TTLL8: variants seen among roughly 807,000 people sequenced by gnomAD.
TTLL8 encodes the protein tubulin tyrosine ligase like 8, also known as protein monoglycylase TTLL8.
Under a neutral mutation model 77.8 loss-of-function variants are expected in TTLL8, and 65 were observed. The ratio of observed to expected loss-of-function variants is 0.84; its 90% confidence interval spans 0.68 to 1.03. The LOEUF is 1.03. Ranked by LOEUF, TTLL8 falls within the 50% of genes least tolerant of loss-of-function variation. TTLL8 has a pLI of 0.00. For synonymous variants in TTLL8, 402 were observed against 422.8 expected (o/e 0.95, Z 0.60); for missense variants, 910 against 1,004.5 (o/e 0.91, Z 1.27).
intron 8 of TTLL8, among the ~76,000 whole-genome samples, chr22:50,036,351 A>C (rs1173285654): frequency 6.6e-6 from 1 of 152,134 alleles, no homozygotes; most frequent in Non-Finnish European, 1.5e-5. Context: ...CTTTTAATTC[A>C]GGTCTAAGAA....
In TTLL8 at chr22:50,034,509, C is replaced by A; in HGVS notation, c.922-47G>T. The A allele has an allele frequency of 7.4e-7, 1 of 1,344,490 alleles. No individual in the cohort carries two copies. The highest frequency in any genetic ancestry group is 1.2e-5 in the South Asian group (1 of 85,790). 83.3% of individuals were successfully genotyped at this position (1,344,490 alleles called of 1,614,324 possible). A position where few individuals can be genotyped will look rare whatever the true frequency, so the allele number is the denominator to read the frequency against. On this transcript the variant is annotated intron_variant, in intron 8 of 13. Transcript: ENST00000266182. This position sits in a 1 kb window ranked among gnomAD's most constrained non-coding sequence, Gnocchi z 4.1. ...ATTGGAGATGAAAGCATCGCCACTA[C>A]AAAGCAAGATCCAGAAAGTGCATGA...
intron 8 of TTLL8, among the ~76,000 whole-genome samples, chr22:50,038,489 T>C: frequency 6.6e-6 from 1 of 152,174 alleles, no homozygotes; most frequent in African/African-American, 2.4e-5. Context: ...CTACGAAATA[T>C]GTTAGCTGTT....
At chr22:50,047,958 G>T (rs543305023) in intron 3 of TTLL8, among the ~76,000 whole-genome samples, 1 of 152,086 alleles carries the variant, frequency 6.6e-6, no homozygotes, top group Non-Finnish European at 1.5e-5. Context: ...TTAGCCGGGC[G>T]TGGTGGCGGG....
Position 50,041,209 on chromosome 22 carries a change from G to T in TTLL8, c.899C>A (p.Pro300His). 1 of 462,614 alleles carries T rather than the reference G, an allele frequency of 2.2e-6. No individual in the cohort carries two copies. Among genetic ancestry groups the T allele is most frequent in the South Asian group, 1.7e-5 (1 of 58,918 alleles). 28.7% of individuals were successfully genotyped at this position (462,614 alleles called of 1,614,324 possible). A position where few individuals can be genotyped will look rare whatever the true frequency, so the allele number is the denominator to read the frequency against. The change falls in exon 8 of 14, where the codon CCC (proline) becomes CAC (histidine). Residue 300 changes from proline to histidine, a missense_variant. Transcript: ENST00000266182. This position sits in a 1 kb window ranked among gnomAD's most constrained non-coding sequence, Gnocchi z 4.3. ...CACCTGCCTGTCTCGGGCTGTGGGG[G>T]GCTCAAATGACATCATAACCTTCTG...
chr22:50,052,304 T>C (rs998330569), intron 1 of TTLL8, among the ~76,000 whole-genome samples: 10 of 152,238 alleles, frequency 6.6e-5, no homozygotes, highest in African/African-American at 2.4e-4. Flanking sequence ...CCTGCTTAGC[T>C]GTGGTCAAAC....
intron 12 of TTLL8, among the ~76,000 whole-genome samples, chr22:50,026,295 A>G (rs930802530): frequency 1.2e-4 from 18 of 149,032 alleles, no homozygotes; most frequent in African/African-American, 4.5e-4. Flanking sequence ...CACCCTGCAC[A>G]GCCGCCACCT....
chr22:50,032,590 G>A (rs901093757), intron 10 of TTLL8, among the ~76,000 whole-genome samples: 1 of 152,170 alleles, frequency 6.6e-6, no homozygotes, highest in East Asian at 1.9e-4. Context: ...TCTGTGTCGC[G>A]TGACTCTCAG....
At chr22:50,032,690 C>A (rs1026334001) in intron 10 of TTLL8, among the ~76,000 whole-genome samples, 1 of 152,222 alleles carries the variant, frequency 6.6e-6, no homozygotes, top group Non-Finnish European at 1.5e-5. Flanking sequence ...AAGGGCCACA[C>A]AATAGTCAGA....
At chr22:50,047,007 C>A in intron 4 of TTLL8, 161 bp downstream of exon 6, 1 of 846,536 alleles carries the variant, frequency 1.2e-6, no homozygotes. Flanking sequence ...GTGGGGTGGG[C>A]ACCGAGTGAT....
rs2061331261 is a variant in TTLL8 at position 50,035,688 on chromosome 22, C to T, written c.922-1226G>A. Among the ~76,000 whole-genome samples the T allele has an allele frequency of 2.6e-5, 4 of 152,196 alleles. No individual in the cohort carries two copies. In the South Asian group the frequency reaches 8.3e-4, roughly 32 times the overall value. ...TGTCTGTGCAGCACAGGTCAGTCCC[C>T]AACTATTGTGGTCTAAATAGGGTGG... On this transcript the variant is annotated intron_variant, in intron 8 of 13. Transcript: ENST00000266182.
Position 50,034,601 on chromosome 22 carries a change from G to T in TTLL8, c.922-139C>A. The T allele has an allele frequency of 1.1e-6, 1 of 902,126 alleles. No individual in the cohort carries two copies. 55.9% of individuals were successfully genotyped at this position (902,126 alleles called of 1,614,324 possible). Reference sequence around the variant, plus strand: ...CTCGGCTCTAGGATGGTCTGGGGCTGGCCTGGCGGGAAAGGGCTGCGGGTC... The same window carrying T: ...CTCGGCTCTAGGATGGTCTGGGGCTTGCCTGGCGGGAAAGGGCTGCGGGTC... On this transcript the variant is annotated intron_variant, in intron 8 of 13. Transcript: ENST00000266182. The surrounding 1 kb of genome is among the most constrained non-coding windows in gnomAD (Gnocchi z 4.1).
intron 3 of TTLL8, 177 bp downstream of exon 5, chr22:50,049,072 C>A: frequency 6.8e-6 from 6 of 883,316 alleles, no homozygotes; most frequent in Non-Finnish European, 8.1e-6. Context: ...GGGCTCGCCC[C>A]ACCCCTGGGG....
intron 4 of TTLL8, 108 bp downstream of exon 6, chr22:50,047,060 G>A: frequency 1.6e-6 from 2 of 1,263,412 alleles, no homozygotes. Flanking sequence ...ATGCACCCAG[G>A]AGGTGACTGG....
chr22:50,034,274 C>T lies in TTLL8; in HGVS notation c.1039+71G>A, dbSNP rs1289664329. On this transcript the variant is annotated intron_variant, in intron 9 of 13. Transcript: ENST00000266182. The surrounding 1 kb of genome is among the most constrained non-coding windows in gnomAD (Gnocchi z 4.1). ...GTGGTGCTGTGGGCCTGAAACTGTC[C>T]CTCACTCACGGCTCCTGGCATCAAG... 4.6e-6 allele frequency: 6 copies of T among 1,294,626 alleles called. No homozygotes were observed. Among genetic ancestry groups the T allele is most frequent in the Non-Finnish European group, 6.1e-6 (6 of 986,806 alleles). 80.2% of individuals were successfully genotyped at this position (1,294,626 alleles called of 1,614,324 possible).
chr22:50,021,129 T>C (rs2146621892), intron 12 of TTLL8, among the ~76,000 whole-genome samples: 1 of 147,172 alleles, frequency 6.8e-6, no homozygotes, highest in African/African-American at 2.6e-5. Flanking sequence ...TGACATTCAC[T>C]CCTCCATCTG....
intron 12 of TTLL8, among the ~76,000 whole-genome samples, chr22:50,020,970 C>T (rs1160345514): frequency 2.7e-5 from 4 of 149,044 alleles, no homozygotes; most frequent in South Asian, 2.1e-4. Flanking sequence ...CTGACATGCA[C>T]TCCTCCATCT....
At chr22:50,048,626 C>A (rs982273086) in intron 3 of TTLL8, among the ~76,000 whole-genome samples, 47 of 152,320 alleles carry the variant, frequency 3.1e-4, no homozygotes, top group African/African-American at 9.9e-4. Context: ...ACTCCAGGAA[C>A]CTGGAAGGGC....
chr22:50,036,479 A>G (rs570835827), intron 8 of TTLL8, among the ~76,000 whole-genome samples: 9 of 152,270 alleles, frequency 5.9e-5, no homozygotes, highest in South Asian at 4.2e-4. Context: ...GCTCCTCAAC[A>G]GGAACGGAGA....
chr22:50,053,051 G>A (rs915108428), intron 1 of TTLL8, among the ~76,000 whole-genome samples: 21 of 152,044 alleles, frequency 1.4e-4, no homozygotes, highest in African/African-American at 3.6e-4. Flanking sequence ...GTGAAACCCC[G>A]TCTCTACTAA....
Sources: allele counts gnomAD v4.1 joint callset (sites outside exome capture counted in the v4.1 genomes callset), GRCh38; gene constraint gnomAD v4.1.1; non-coding constraint Gnocchi (gnomAD v3.1); transcripts MANE v1.5; gene names NCBI Gene and HGNC (gene_info 2026-07-23, HGNC 2026-07-21).